ZNF778: variants seen among roughly 807,000 people sequenced by gnomAD.
The protein encoded by ZNF778 is zinc finger protein 778.
ZNF778 carries 37 observed loss-of-function variants against 23.9 expected under a neutral mutation model. That is an observed-to-expected ratio of 1.54 (90% CI 1.19 to 2.03). The LOEUF (loss-of-function observed/expected upper bound fraction) is 2.03, where lower values mean the gene tolerates loss of function less well. Among genes scored for constraint, ZNF778 ranks in the 30% most tolerant of loss-of-function variants. The pLI is 0.00. For missense variants in ZNF778, 1,297 were observed against 934.4 expected, an observed-to-expected ratio of 1.39 and a Z score of -5.06; for synonymous variants, 483 against 343.9, an observed-to-expected ratio of 1.40 and a Z score of -4.48.
rs1013062206 is a variant in ZNF778 at position 89,233,895 on chromosome 16, G to C, written c.*5333G>C. On this transcript the variant is annotated 3_prime_UTR_variant, in exon 7 of 7. Coordinates refer to ENST00000433976, the MANE Select transcript of ZNF778 (RefSeq NM_001201407.2). Reference sequence around the variant, plus strand: ...CAAGCCAGTATTTCTCCTCCCTGAAGTCAGCCCAGGATGAGGCACTAGACA... The same window carrying C: ...CAAGCCAGTATTTCTCCTCCCTGAACTCAGCCCAGGATGAGGCACTAGACA... 1 of 1,289,464 alleles carries C rather than the reference G, an allele frequency of 7.8e-7. No homozygotes were observed. Among genetic ancestry groups the C allele is most frequent in the African/African-American group, 1.5e-5 (1 of 65,874 alleles). The allele number at this position is 1,289,464 out of a possible 1,614,324, so 79.9% of individuals were successfully genotyped here. A position where few individuals can be genotyped will look rare whatever the true frequency, so the allele number is the denominator to read the frequency against.
Position 89,231,326 on chromosome 16 carries a change from C to T in ZNF778, c.*2764C>T, listed in dbSNP as rs2031913757. On this transcript the variant is annotated 3_prime_UTR_variant, in exon 7 of 7. Coordinates refer to ENST00000433976, the MANE Select transcript of ZNF778 (RefSeq NM_001201407.2). Reference sequence around the variant, plus strand: ...TTGCCTGAGTCCAGAACTTGTGGGTCACAGGTGACGCCAGGACTGCATCAT... The same window carrying T: ...TTGCCTGAGTCCAGAACTTGTGGGTTACAGGTGACGCCAGGACTGCATCAT... 2 of 152,024 alleles carry T rather than the reference C, an allele frequency of 1.3e-5. No individual in the cohort carries two copies. Among genetic ancestry groups the T allele is most frequent in the African/African-American group, 4.8e-5 (2 of 41,274 alleles). 9.4% of individuals were successfully genotyped at this position (152,024 alleles called of 1,614,324 possible).
Position 89,232,732 on chromosome 16 carries a change from A to G in ZNF778, c.*4170A>G, listed in dbSNP as rs2031990176. On this transcript the variant is annotated 3_prime_UTR_variant, in exon 7 of 7. Coordinates refer to ENST00000433976, the MANE Select transcript of ZNF778 (RefSeq NM_001201407.2). ...CTCTCAGGCTAGATCATTCCTAAAG[A>G]TGGTAAACAACTTGCTGGAAACATG... is the stretch of plus-strand genomic sequence containing the variant. 1 of 1,281,830 alleles carries G rather than the reference A, an allele frequency of 7.8e-7. No homozygotes were observed. The highest frequency in any genetic ancestry group is 1.0e-6 in the Non-Finnish European group (1 of 983,540). 79.4% of individuals were successfully genotyped at this position (1,281,830 alleles called of 1,614,324 possible).
chr16:89,219,322 G>C (rs2030689473), intron 1 of ZNF778, among the ~76,000 whole-genome samples: 1 of 152,178 alleles, frequency 6.6e-6, no homozygotes, highest in Non-Finnish European at 1.5e-5. Flanking sequence ...GTTTTCTCGT[G>C]ATACGTTTAA....
Position 89,232,559 on chromosome 16 carries a change from TC to T in ZNF778, c.*3999del, listed in dbSNP as rs2031981186. On this transcript the variant is annotated 3_prime_UTR_variant, in exon 7 of 7. Transcript: ENST00000433976. ...GTGTCACTTAGGGCAACTTATGCCC[TC>T]CTGTGTGAAAATCTCCACTCCCAAT... 1 of 1,108,044 alleles carries T rather than the reference TC, an allele frequency of 9.0e-7. No individual in the cohort carries two copies. The highest frequency in any genetic ancestry group is 1.2e-6 in the Non-Finnish European group (1 of 869,114). 68.6% of individuals were successfully genotyped at this position (1,108,044 alleles called of 1,614,324 possible). A position where few individuals can be genotyped will look rare whatever the true frequency, so the allele number is the denominator to read the frequency against.
Position 89,228,638 on chromosome 16 carries a change from T to C in ZNF778, c.*76T>C, listed in dbSNP as rs12927047. The C allele has an allele frequency of 0.097, 146,965 of 1,516,198 alleles. 12,847 individuals are homozygous for C. Among genetic ancestry groups the C allele is most frequent in the African/African-American group, 0.43 (30,984 of 71,712 alleles). The allele number at this position is 1,516,198 out of a possible 1,614,324, so 93.9% of individuals were successfully genotyped here. A position where few individuals can be genotyped will look rare whatever the true frequency, so the allele number is the denominator to read the frequency against. ...TGAAAGACCTCTCGTTCTCCAGATGTCCATGACTTGAGGAATGTGGCTAGG... is the reference window on the plus strand; with the variant it reads ...TGAAAGACCTCTCGTTCTCCAGATGCCCATGACTTGAGGAATGTGGCTAGG... On this transcript the variant is annotated 3_prime_UTR_variant, in exon 7 of 7. Coordinates refer to ENST00000433976, the MANE Select transcript of ZNF778 (RefSeq NM_001201407.2).
rs1567508489 is a variant in ZNF778, at chr16:89,228,410, AAAG to A, written c.2123_2125del (p.Lys708_Ala709delinsThr). 5 of 1,613,880 alleles carry A rather than the reference AAAG, an allele frequency of 3.1e-6. No individual in the cohort carries two copies. The highest frequency in any genetic ancestry group is 4.2e-6 in the Non-Finnish European group (5 of 1,179,906). On this transcript the variant is annotated inframe_deletion, in exon 7 of 7. Transcript: ENST00000433976. ...ACCCTATAAATGTAAGGAATGTGGG[AAAG>A]CATACAATAGGTTTTATCTACTAAA... is the stretch of plus-strand genomic sequence containing the variant.
In ZNF778 at chr16:89,233,813, C is replaced by G. The variant is rs770696393; in HGVS notation, c.*5251C>G. The G allele has an allele frequency of 7.7e-7, 1 of 1,291,486 alleles. No individual in the cohort carries two copies. Among genetic ancestry groups the G allele is most frequent in the South Asian group, 1.2e-5 (1 of 81,058 alleles). The allele number at this position is 1,291,486 out of a possible 1,614,324, so 80.0% of individuals were successfully genotyped here. A position where few individuals can be genotyped will look rare whatever the true frequency, so the allele number is the denominator to read the frequency against. ...TGCAACTCAGCTCGCACTGCGTATG[C>G]AACTCAACTGTTGCAAGTACTTATT... On this transcript the variant is annotated 3_prime_UTR_variant, in exon 7 of 7. Coordinates refer to ENST00000433976, the MANE Select transcript of ZNF778 (RefSeq NM_001201407.2).
chr16:89,234,038 G>A lies in ZNF778; in HGVS notation c.*5476G>A. On this transcript the variant is annotated 3_prime_UTR_variant, in exon 7 of 7. Coordinates refer to ENST00000433976, the MANE Select transcript of ZNF778 (RefSeq NM_001201407.2). ...AACCCTGTGGCCTCTGCCTCCCCTGGCTCTGACTTCTGCCTCCTGCCCAGC... is the reference window on the plus strand; with the variant it reads ...AACCCTGTGGCCTCTGCCTCCCCTGACTCTGACTTCTGCCTCCTGCCCAGC... 1 of 956,510 alleles carries A rather than the reference G, an allele frequency of 1.0e-6. No individual in the cohort carries two copies. Among genetic ancestry groups the A allele is most frequent in the South Asian group, 1.3e-5 (1 of 74,506 alleles). 59.3% of individuals were successfully genotyped at this position (956,510 alleles called of 1,614,324 possible). A position where few individuals can be genotyped will look rare whatever the true frequency, so the allele number is the denominator to read the frequency against.
chr16:89,225,664 C>A, intron 6 of ZNF778, 33 bp downstream of exon 6: 1 of 1,562,026 alleles, frequency 6.4e-7, no homozygotes. Context: ...TTTTATTTAT[C>A]ACACTCATAA....
In ZNF778 at chr16:89,229,352, A is replaced by T. The variant is rs2031778840; in HGVS notation, c.*790A>T. On this transcript the variant is annotated 3_prime_UTR_variant, in exon 7 of 7. Transcript: ENST00000433976. Reference sequence around the variant, plus strand: ...GGTTAGTCTTCAGGATCCAGATGTGATCTTGTGTGAGCACTGTAGGCTCTG... The same window carrying T: ...GGTTAGTCTTCAGGATCCAGATGTGTTCTTGTGTGAGCACTGTAGGCTCTG... 2.0e-6 allele frequency: 2 copies of T among 982,840 alleles called. No homozygotes were observed. Among genetic ancestry groups the T allele is most frequent in the Non-Finnish European group, 2.4e-6 (2 of 829,810 alleles). 60.9% of individuals were successfully genotyped at this position (982,840 alleles called of 1,614,324 possible). A position where few individuals can be genotyped will look rare whatever the true frequency, so the allele number is the denominator to read the frequency against.
chr16:89,218,709 T>G (rs2030609587), intron 1 of ZNF778, among the ~76,000 whole-genome samples: 1 of 152,136 alleles, frequency 6.6e-6, no homozygotes, highest in African/African-American at 2.4e-5. Flanking sequence ...GAGAATGGCG[T>G]GAACCCGGGA....
intron 3 of ZNF778, 133 bp downstream of exon 3, chr16:89,222,316 A>T (rs1195581285): frequency 1.9e-6 from 1 of 515,982 alleles, no homozygotes; most frequent in African/African-American, 2.0e-5. Context: ...TCCAGGGAGA[A>T]GAGCCTGGCT....
At position 89,229,898 on chromosome 16, in the gene ZNF778, G is replaced by A. The variant is rs544946982; in HGVS notation, c.*1336G>A. On this transcript the variant is annotated 3_prime_UTR_variant, in exon 7 of 7. Coordinates refer to ENST00000433976, the MANE Select transcript of ZNF778 (RefSeq NM_001201407.2). ...CCAGATGTGATCCTGTGTGAGCAGCGTAGGCTCTGGTTGGTTAGTGTTGAG... is the reference window on the plus strand; with the variant it reads ...CCAGATGTGATCCTGTGTGAGCAGCATAGGCTCTGGTTGGTTAGTGTTGAG... 2.0e-5 allele frequency: 20 copies of A among 981,818 alleles called. No individual in the cohort carries two copies. The highest frequency in any genetic ancestry group is 1.1e-4 in the East Asian group (1 of 8,708). 60.8% of individuals were successfully genotyped at this position (981,818 alleles called of 1,614,324 possible). A position where few individuals can be genotyped will look rare whatever the true frequency, so the allele number is the denominator to read the frequency against.
intron 6 of ZNF778, 135 bp downstream of exon 6, chr16:89,225,766 C>G (rs2031422078): frequency 1.3e-6 from 1 of 796,518 alleles, no homozygotes. Context: ...GTAGAGAACA[C>G]TCTGAATGTG....
chr16:89,223,279 A>G lies in ZNF778; in HGVS notation c.240A>G (p.Ser80=). 2 of 1,613,956 alleles carry G rather than the reference A, an allele frequency of 1.2e-6. No homozygotes were observed. The highest frequency in any genetic ancestry group is 1.7e-6 in the Non-Finnish European group (2 of 1,179,970). Residue 80 remains serine (S), a synonymous_variant, in exon 4 of 7, where the codon TCA becomes TCG. Transcript: ENST00000433976. ...VMLENYENLA[S]VGHHLFQPSV... is the part of the protein sequence containing the mutation. Reference sequence around the variant, plus strand: ...TGGAAAACTACGAGAACCTGGCCTCAGTAGGTGAGGCTGCCACCGTCCTTT... The same window carrying G: ...TGGAAAACTACGAGAACCTGGCCTCGGTAGGTGAGGCTGCCACCGTCCTTT...
Position 89,228,907 on chromosome 16 carries a change from T to A in ZNF778, c.*345T>A. 9.8e-7 allele frequency: 1 copy of A among 1,020,428 alleles called. No individual in the cohort carries two copies. Among genetic ancestry groups the A allele is most frequent in the East Asian group, 8.9e-5 (1 of 11,272 alleles). 63.2% of individuals were successfully genotyped at this position (1,020,428 alleles called of 1,614,324 possible). A position where few individuals can be genotyped will look rare whatever the true frequency, so the allele number is the denominator to read the frequency against. Reference sequence around the variant, plus strand: ...GAGGGTGAGAATTGTTGGGAAGTCATTTTTTACATTACATCTTTCCTCACC... The same window carrying A: ...GAGGGTGAGAATTGTTGGGAAGTCAATTTTTACATTACATCTTTCCTCACC... On this transcript the variant is annotated 3_prime_UTR_variant, in exon 7 of 7. Coordinates refer to ENST00000433976, the MANE Select transcript of ZNF778 (RefSeq NM_001201407.2).
rs2031843657 is a variant in ZNF778, at chr16:89,230,224, G to A, written c.*1662G>A. ...ACACCAGGGTGCAAGGAGGGGCAGA[G>A]TGGAGAGGGGCGAGGTCTGTACCCT... On this transcript the variant is annotated 3_prime_UTR_variant, in exon 7 of 7. Transcript: ENST00000433976. The A allele has an allele frequency of 3.4e-6, 1 of 291,180 alleles. No homozygotes were observed. The highest frequency in any genetic ancestry group is 5.1e-6 in the Non-Finnish European group (1 of 195,324). 18.0% of individuals were successfully genotyped at this position (291,180 alleles called of 1,614,324 possible). A position where few individuals can be genotyped will look rare whatever the true frequency, so the allele number is the denominator to read the frequency against.
At chr16:89,224,085 G>C (rs1436197054) in intron 4 of ZNF778, among the ~76,000 whole-genome samples, 1 of 151,446 alleles carries the variant, frequency 6.6e-6, no homozygotes, top group African/African-American at 2.4e-5. Context: ...GCTGGGTGCA[G>C]TGGCTCAGGG....
intron 5 of ZNF778, among the ~76,000 whole-genome samples, chr16:89,225,150 C>G (rs1214519442): frequency 4.1e-5 from 4 of 98,240 alleles, no homozygotes; most frequent in East Asian, 6.9e-4. Flanking sequence ...GAGTCTTGCT[C>G]TGTTGCCCAG....
Sources: allele counts gnomAD v4.1 joint callset (sites outside exome capture counted in the v4.1 genomes callset), GRCh38; gene constraint gnomAD v4.1.1; transcripts MANE v1.5; gene names NCBI Gene and HGNC (gene_info 2026-07-23, HGNC 2026-07-21).